RIN3: variants seen among roughly 807,000 people sequenced by gnomAD.
The protein encoded by RIN3 is Ras and Rab interactor 3.
Under a neutral mutation model 76.3 loss-of-function variants are expected in RIN3, and 54 were observed. That is an observed-to-expected ratio of 0.71 (90% CI 0.57 to 0.89). The LOEUF (loss-of-function observed/expected upper bound fraction) is 0.89, where lower values mean the gene tolerates loss of function less well. RIN3 is among the 40% of genes least tolerant of loss of function. The pLI, the probability that RIN3 is intolerant of heterozygous loss-of-function variation, is 0.00. For missense variants in RIN3, 1,256 were observed against 1,322.1 expected (o/e 0.95, Z 0.78); for synonymous variants, 576 against 564.0 (o/e 1.02, Z -0.30).
chr14:92,596,058 A>G (rs1885139510), intron 3 of RIN3, among the ~76,000 whole-genome samples: 1 of 152,238 alleles, frequency 6.6e-6, no homozygotes, highest in Non-Finnish European at 1.5e-5. Flanking sequence ...TTTTGTCATC[A>G]GTCCTGATCC....
chr14:92,527,113 C>T (rs1392539906), intron 1 of RIN3, among the ~76,000 whole-genome samples: 2 of 147,988 alleles, frequency 1.4e-5, no homozygotes, highest in Non-Finnish European at 3.0e-5. Flanking sequence ...TGCAGTGGCA[C>T]GATCTCAGCT....
chr14:92,535,361 T>C lies in RIN3; in HGVS notation c.45-20390T>C, dbSNP rs1160114037. On this transcript the variant is annotated intron_variant, in intron 1 of 9. Coordinates refer to ENST00000216487, the MANE Select transcript of RIN3 (RefSeq NM_024832.5). Reference sequence around the variant, plus strand: ...TTTTTTTTTTTTTTTTGAGGCAGGTTCTCGCTCTGTCGCCCAGACTGGAGT... The same window carrying C: ...TTTTTTTTTTTTTTTTGAGGCAGGTCCTCGCTCTGTCGCCCAGACTGGAGT... Among the ~76,000 whole-genome samples the C allele has an allele frequency of 1.2e-4, 18 of 149,870 alleles. No homozygotes were observed. The East Asian group carries it at 3.5e-3, about 29-fold the overall frequency.
At chr14:92,619,860 G>A (rs1479202635) in intron 4 of RIN3, among the ~76,000 whole-genome samples, 22 of 152,170 alleles carry the variant, frequency 1.4e-4, no homozygotes. Context: ...GCCTTACCTA[G>A]CTGGAAAGCA....
At chr14:92,545,832 C>T (rs372711321) in intron 1 of RIN3, among the ~76,000 whole-genome samples, 2 of 152,236 alleles carry the variant, frequency 1.3e-5, no homozygotes, top group East Asian at 3.9e-4. Flanking sequence ...TTCTCAAGGA[C>T]AAGGATCAAA....
At chr14:92,667,397 A>G (rs1239258256) in intron 7 of RIN3, among the ~76,000 whole-genome samples, 1 of 151,996 alleles carries the variant, frequency 6.6e-6, no homozygotes, top group East Asian at 1.9e-4. Context: ...CACACCTGTA[A>G]TCCCAGCTAC....
rs1887653030 is a variant in RIN3 at position 92,656,027 on chromosome 14, T to C, written c.2026+2952T>C. ...GAGACTGGATGAGATCATCCGGGTC[T>C]GAGGACTGAGCCACAGGCACCGTGC... On this transcript the variant is annotated intron_variant, in intron 6 of 9. Coordinates refer to ENST00000216487, the MANE Select transcript of RIN3 (RefSeq NM_024832.5). This position sits in a 1 kb window ranked among gnomAD's most constrained non-coding sequence, Gnocchi z 5.2. 6.6e-6 allele frequency among the ~76,000 whole-genome samples: 1 copy of C among 152,062 alleles called. No individual in the cohort carries two copies. Among genetic ancestry groups the C allele is most frequent in the Non-Finnish European group, 1.5e-5 (1 of 68,010 alleles).
chr14:92,543,411 G>A lies in RIN3; in HGVS notation c.45-12340G>A, dbSNP rs554822503. Among the ~76,000 whole-genome samples, 3 of 152,214 alleles carry A rather than the reference G, an allele frequency of 2.0e-5. No homozygotes were observed. The South Asian group carries it at 6.2e-4, about 32-fold the overall frequency. On this transcript the variant is annotated intron_variant, in intron 1 of 9. Coordinates refer to ENST00000216487, the MANE Select transcript of RIN3 (RefSeq NM_024832.5). ...AGGTAGCTAGCTCATGTGATTAAAG[G>A]TCTTCAAACAGATACAACTGCTGCT... is the stretch of plus-strand genomic sequence containing the variant.
At chr14:92,668,222 G>A (rs1362344992) in intron 7 of RIN3, among the ~76,000 whole-genome samples, 1 of 152,232 alleles carries the variant, frequency 6.6e-6, no homozygotes, top group Non-Finnish European at 1.5e-5. Context: ...GTTGACCTGA[G>A]ACTTGAACCC....
At chr14:92,659,890 T>G (rs958970858) in intron 7 of RIN3, among the ~76,000 whole-genome samples, 1 of 152,126 alleles carries the variant, frequency 6.6e-6, no homozygotes, top group African/African-American at 2.4e-5. Context: ...CCAGGGAAGG[T>G]TCTGTTCCTT....
At chr14:92,596,371 A>T (rs1169178286) in intron 3 of RIN3, among the ~76,000 whole-genome samples, 1 of 152,180 alleles carries the variant, frequency 6.6e-6, no homozygotes, top group Non-Finnish European at 1.5e-5. Context: ...TAACGCTATG[A>T]AACAGGTGGT....
intron 3 of RIN3, among the ~76,000 whole-genome samples, chr14:92,588,506 G>A (rs1371840174): frequency 1.3e-5 from 2 of 151,938 alleles, no homozygotes; most frequent in African/African-American, 4.8e-5. Flanking sequence ...GATTACAGGT[G>A]TGAGCCACCA....
intron 3 of RIN3, among the ~76,000 whole-genome samples, chr14:92,600,203 G>GCAGT (rs574871179): frequency 1.4e-4 from 21 of 152,352 alleles, no homozygotes; most frequent in African/African-American, 5.1e-4. Flanking sequence ...GCTGAAGGAT[G>GCAGT]CAGTGCAGGC....
At chr14:92,650,422 C>T (rs879370355) in intron 5 of RIN3, among the ~76,000 whole-genome samples, 5 of 152,208 alleles carry the variant, frequency 3.3e-5, no homozygotes, top group Non-Finnish European at 7.3e-5. Context: ...CGTGGGCTCA[C>T]GCGCAGCAAG....
intron 2 of RIN3, among the ~76,000 whole-genome samples, chr14:92,557,552 A>C (rs1897628174): frequency 6.6e-6 from 1 of 152,260 alleles, no homozygotes; most frequent in Admixed American, 6.5e-5. Context: ...AAATGCATCA[A>C]GTCGCCAGTT....
chr14:92,532,922 A>G (rs1175718724), intron 1 of RIN3, among the ~76,000 whole-genome samples: 3 of 152,126 alleles, frequency 2.0e-5, no homozygotes, highest in African/African-American at 7.2e-5. Flanking sequence ...CATCTCAGGC[A>G]AAGACCTGGT....
intron 4 of RIN3, among the ~76,000 whole-genome samples, chr14:92,629,230 T>C: frequency 6.6e-6 from 1 of 152,118 alleles, no homozygotes; most frequent in Non-Finnish European, 1.5e-5. Flanking sequence ...AATCCCAAAC[T>C]TTGGACTTAC....
chr14:92,593,213 A>G (rs1348510985), intron 3 of RIN3, among the ~76,000 whole-genome samples: 4 of 152,248 alleles, frequency 2.6e-5, no homozygotes, highest in Admixed American at 2.6e-4. Flanking sequence ...TAAAATGCCA[A>G]TTAAAACTAC....
At chr14:92,554,854 C>T (rs1003107238) in intron 1 of RIN3, among the ~76,000 whole-genome samples, 13 of 152,138 alleles carry the variant, frequency 8.5e-5, no homozygotes, top group Non-Finnish European at 1.5e-4. Context: ...ACCCAGGAGG[C>T]GGAGGCTGCA....
chr14:92,661,657 G>C (rs1887883126), intron 7 of RIN3, among the ~76,000 whole-genome samples: 1 of 151,566 alleles, frequency 6.6e-6, no homozygotes, highest in Non-Finnish European at 1.5e-5. Flanking sequence ...CCGGGAGGCA[G>C]ACGTTGCAGT....
Sources: gnomAD v4.1 joint callset for allele counts (sites outside exome capture counted in the v4.1 genomes callset) on GRCh38, gnomAD v4.1.1 for gene constraint, Gnocchi (gnomAD v3.1) non-coding constraint, MANE v1.5 for transcripts, NCBI Gene and HGNC (gene_info 2026-07-23, HGNC 2026-07-21) for gene names.